Variants in ACER3 observed in about 807,000 individuals in gnomAD.
The protein encoded by ACER3 is alkCDase 3.
ACER3 carries 16 observed loss-of-function variants against 48.9 expected under a neutral mutation model. The observed-to-expected ratio is 0.33, with a 90% CI of 0.22 to 0.50. ACER3 has a LOEUF of 0.50. ACER3 is among the 20% of genes least tolerant of loss of function. ACER3 has a pLI of 0.98. For synonymous variants in ACER3, 109 were observed against 107.8 expected (o/e 1.01, Z -0.07); for missense variants, 227 against 326.0 (o/e 0.70, Z 2.34).
At chr11:76,933,735 C>G (rs1361314767) in intron 2 of ACER3, among the ~76,000 whole-genome samples, 1 of 152,196 alleles carries the variant, frequency 6.6e-6, no homozygotes, top group Non-Finnish European at 1.5e-5. Context: ...CCCCACCTTT[C>G]CCCCTTTTCT....
intron 1 of ACER3, among the ~76,000 whole-genome samples, chr11:76,909,996 C>T (rs1443375070): frequency 1.3e-5 from 2 of 152,006 alleles, no homozygotes; most frequent in African/African-American, 2.4e-5. Context: ...TGGAAAGAAT[C>T]ATTCTCAGCA....
At chr11:76,968,788 T>C (rs1031951189) in intron 3 of ACER3, among the ~76,000 whole-genome samples, 10 of 152,144 alleles carry the variant, frequency 6.6e-5, no homozygotes, top group Non-Finnish European at 1.3e-4. Context: ...ATACAAAAAT[T>C]AATTCAAGAT....
intron 1 of ACER3, among the ~76,000 whole-genome samples, chr11:76,901,709 C>T (rs1198222892): frequency 2.6e-5 from 4 of 152,006 alleles, no homozygotes; most frequent in East Asian, 1.9e-4. Context: ...GCAGGGGGTA[C>T]GTGACTGGGG....
intron 5 of ACER3, among the ~76,000 whole-genome samples, chr11:76,989,133 G>A (rs1948745526): frequency 1.3e-5 from 2 of 152,014 alleles, no homozygotes; most frequent in Non-Finnish European, 1.5e-5. Context: ...TTAGTATTTT[G>A]AAATAAGAAA....
At chr11:76,943,694 T>C (rs953889961) in intron 2 of ACER3, among the ~76,000 whole-genome samples, 1 of 151,906 alleles carries the variant, frequency 6.6e-6, no homozygotes, top group Non-Finnish European at 1.5e-5. Context: ...GTCCAATGTT[T>C]CTTTGCTAAT....
intron 1 of ACER3, among the ~76,000 whole-genome samples, chr11:76,925,165 T>C (rs561560482): frequency 2.0e-5 from 3 of 152,122 alleles, no homozygotes; most frequent in Admixed American, 2.0e-4. Flanking sequence ...CCCATCCTTA[T>C]TCATTGTAAA....
chr11:76,943,020 T>G (rs1436783054), intron 2 of ACER3, among the ~76,000 whole-genome samples: 1 of 152,060 alleles, frequency 6.6e-6, no homozygotes, highest in African/African-American at 2.4e-5. Context: ...TCAATTGTAA[T>G]GTCTCCCTTT....
intron 1 of ACER3, among the ~76,000 whole-genome samples, chr11:76,905,854 A>G (rs1469462081): frequency 6.6e-6 from 1 of 152,266 alleles, no homozygotes; most frequent in African/African-American, 2.4e-5. Context: ...ACAAGAAAAC[A>G]AAGCAAAACT....
intron 1 of ACER3, among the ~76,000 whole-genome samples, chr11:76,872,052 A>G (rs1415305767): frequency 1.7e-5 from 1 of 58,928 alleles, no homozygotes; most frequent in African/African-American, 7.0e-5. Context: ...TCATCCCCCA[A>G]CTTTACCCCC....
chr11:76,913,977 G>C (rs917903771), intron 1 of ACER3, among the ~76,000 whole-genome samples: 4 of 152,272 alleles, frequency 2.6e-5, no homozygotes, highest in African/African-American at 9.6e-5. Context: ...AAATGGTGCT[G>C]GGGAAACTGG....
Position 76,938,618 on chromosome 11 carries a change from C to T in ACER3, c.214+11951C>T, listed in dbSNP as rs77819767. On this transcript the variant is annotated intron_variant, in intron 2 of 10. Transcript: ENST00000532485. ...ACAGGTGTGAGCCAGCATGTCTGGC[C>T]TTGAAAACCTATATTGATATTGTTA... Among the ~76,000 whole-genome samples the T allele has an allele frequency of 3.3e-3, 498 of 152,252 alleles. 9 individuals are homozygous for T. In the East Asian group the frequency reaches 0.053, roughly 16 times the overall value.
intron 3 of ACER3, among the ~76,000 whole-genome samples, chr11:76,966,005 C>A (rs1948128053): frequency 6.6e-6 from 1 of 151,174 alleles, no homozygotes; most frequent in Non-Finnish European, 1.5e-5. Context: ...TTAAAAGACA[C>A]AGGCTGGCAA....
chr11:77,009,592 T>C (rs1555021677), intron 7 of ACER3, among the ~76,000 whole-genome samples: 1 of 152,178 alleles, frequency 6.6e-6, no homozygotes, highest in Admixed American at 6.5e-5. Flanking sequence ...GGAGGACTGC[T>C]TGAGCCCAGG....
At chr11:76,902,940 G>A (rs1456312070) in intron 1 of ACER3, among the ~76,000 whole-genome samples, 1 of 152,074 alleles carries the variant, frequency 6.6e-6, no homozygotes, top group African/African-American at 2.4e-5. Context: ...TATTTTTCTT[G>A]ACTATGAATA....
At chr11:76,918,282 A>G (rs572962621) in intron 1 of ACER3, among the ~76,000 whole-genome samples, 64 of 151,332 alleles carry the variant, frequency 4.2e-4, no homozygotes, top group African/African-American at 1.4e-3. Context: ...TCTGATATCT[A>G]TCTTAATTTA....
chr11:76,971,529 C>T (rs1290233424), intron 3 of ACER3, among the ~76,000 whole-genome samples: 8 of 151,056 alleles, frequency 5.3e-5, no homozygotes, highest in African/African-American at 1.9e-4. Flanking sequence ...CAGAGTGAGA[C>T]TCCATCTCAA....
chr11:76,880,200 TA>T (rs1248406844), intron 1 of ACER3, among the ~76,000 whole-genome samples: 1 of 152,240 alleles, frequency 6.6e-6, no homozygotes, highest in East Asian at 1.9e-4. Context: ...TATTTTTATT[TA>T]ACGTATTCCT....
intron 1 of ACER3, 106 bp downstream of exon 1, chr11:76,861,185 G>A (rs1281793461): frequency 1.7e-6 from 2 of 1,160,624 alleles, no homozygotes; most frequent in Admixed American, 2.3e-5. Context: ...GAGGTGCCAG[G>A]CCTGGCCCCG....
intron 2 of ACER3, among the ~76,000 whole-genome samples, chr11:76,927,805 G>T (rs914249072): frequency 3.9e-5 from 6 of 152,042 alleles, no homozygotes; most frequent in African/African-American, 1.5e-4. Context: ...TTTTTTAATG[G>T]CTGCATAGTA....
Sources: allele counts gnomAD v4.1 joint callset (sites outside exome capture counted in the v4.1 genomes callset), GRCh38; gene constraint gnomAD v4.1.1; transcripts MANE v1.5; gene names NCBI Gene and HGNC (gene_info 2026-07-23, HGNC 2026-07-21).